DACH2: variants seen among roughly 807,000 people sequenced by gnomAD.
The protein encoded by DACH2 is dachshund family transcription factor 2, also known as dachshund homolog 2.
In DACH2, 17 loss-of-function variants were observed where a neutral mutation model predicts 35.8. The ratio of observed to expected loss-of-function variants is 0.48; its 90% CI spans 0.33 to 0.71. DACH2 has a LOEUF of 0.71. Among genes scored for constraint, DACH2 ranks in the 30% least tolerant of loss-of-function variants. DACH2 has a pLI of 0.02. For synonymous variants in DACH2, 195 were observed against 177.3 expected (o/e 1.10, Z -0.79); for missense variants, 469 against 472.7 (o/e 0.99, Z 0.07).
chrX:86,302,907 G>A (rs6623643), intron 1 of DACH2, among the ~76,000 whole-genome samples: 8 of 109,114 alleles, frequency 7.3e-5, no homozygotes, highest in African/African-American at 2.7e-4. Flanking sequence ...TATGTAATGA[G>A]TAAATTTTAC....
chrX:86,528,135 G>C lies in DACH2; in HGVS notation c.640+13744G>C, dbSNP rs1016735434. 6.3e-5 allele frequency among the ~76,000 whole-genome samples: 7 copies of C among 111,661 alleles called. No homozygotes were observed. The Admixed American group carries it at 6.7e-4, about 11-fold the overall frequency. On this transcript the variant is annotated intron_variant, in intron 3 of 11. Transcript: ENST00000373125. Reference sequence around the variant, plus strand: ...TTGATGTTGTGAAAAGGAACTAAAAGAGCAAGAGAGAGGAGCATAGAGAAA... The same window carrying C: ...TTGATGTTGTGAAAAGGAACTAAAACAGCAAGAGAGAGGAGCATAGAGAAA...
chrX:86,779,236 C>A (rs772080408), intron 7 of DACH2, among the ~76,000 whole-genome samples: 2 of 111,278 alleles, frequency 1.8e-5, no homozygotes, highest in South Asian at 3.8e-4. Context: ...AATAAGGTGA[C>A]CATAAAAGGT....
intron 1 of DACH2, among the ~76,000 whole-genome samples, chrX:86,368,056 C>A (rs889212942): frequency 3.6e-5 from 4 of 111,545 alleles, no homozygotes; most frequent in Admixed American, 1.9e-4. Context: ...AGTCTTTGTT[C>A]TTTAAAACCT....
At chrX:86,269,206 A>T (rs947989552) in intron 1 of DACH2, among the ~76,000 whole-genome samples, 18 of 111,101 alleles carry the variant, frequency 1.6e-4, no homozygotes, top group African/African-American at 5.6e-4. Flanking sequence ...TTGATTTTTA[A>T]ATCCCACAAC....
At chrX:86,803,778 T>C (rs1389906510) in intron 7 of DACH2, among the ~76,000 whole-genome samples, 4 of 110,577 alleles carry the variant, frequency 3.6e-5, no homozygotes, top group African/African-American at 1.3e-4. Context: ...AATAAATAAT[T>C]ATATTATATT....
At chrX:86,493,601 C>T (rs1468456091) in intron 2 of DACH2, among the ~76,000 whole-genome samples, 2 of 111,186 alleles carry the variant, frequency 1.8e-5, no homozygotes, top group Non-Finnish European at 3.8e-5. Context: ...TGTGTGCATG[C>T]ATATGTGAGT....
At chrX:86,742,698 C>A (rs1278933385) in intron 7 of DACH2, 2 of 296,161 alleles carry the variant, frequency 6.8e-6, no homozygotes, top group Non-Finnish European at 1.3e-5. Context: ...ATGGACTAAC[C>A]ATCAAAAAAT....
At chrX:86,616,129 T>C (rs1259893144) in intron 3 of DACH2, among the ~76,000 whole-genome samples, 2 of 111,989 alleles carry the variant, frequency 1.8e-5, no homozygotes, top group Non-Finnish European at 3.8e-5. Context: ...TGCATAATAT[T>C]CCATGGTGTA....
intron 1 of DACH2, among the ~76,000 whole-genome samples, chrX:86,361,130 A>G (rs1024199150): frequency 9.0e-6 from 1 of 111,692 alleles, no homozygotes; most frequent in African/African-American, 3.2e-5. Flanking sequence ...CTGCTTTTAT[A>G]GCATTTTTTT....
intron 1 of DACH2, among the ~76,000 whole-genome samples, chrX:86,176,713 A>G (rs1226378560): frequency 8.9e-6 from 1 of 111,994 alleles, no homozygotes; most frequent in Non-Finnish European, 1.9e-5. Flanking sequence ...TATGCTAATA[A>G]TCTCTGATTT....
intron 4 of DACH2, among the ~76,000 whole-genome samples, chrX:86,691,963 G>C (rs1327463903): frequency 9.0e-6 from 1 of 111,709 alleles, no homozygotes; most frequent in Non-Finnish European, 1.9e-5. Context: ...TCTTGACAAA[G>C]AGGCATAAAA....
intron 3 of DACH2, among the ~76,000 whole-genome samples, chrX:86,607,168 T>A (rs183857318): frequency 3.6e-4 from 40 of 111,836 alleles, no homozygotes; most frequent in African/African-American, 1.2e-3. Flanking sequence ...TTATACTGTT[T>A]AGTCCATTTT....
intron 1 of DACH2, among the ~76,000 whole-genome samples, chrX:86,251,460 C>T (rs6623602): frequency 0.4 from 43,521 of 109,050 alleles, 6,528 homozygotes; most frequent in East Asian, 0.74. Context: ...TACACTGAAC[C>T]CAGTTTGTAG....
intron 3 of DACH2, among the ~76,000 whole-genome samples, chrX:86,605,520 G>A (rs760986168): frequency 2.0e-4 from 22 of 110,156 alleles, no homozygotes; most frequent in Non-Finnish European, 3.6e-4. Flanking sequence ...TCTTTTATAC[G>A]TAATATAACT....
rs143779639 is a variant in DACH2, at chrX:86,528,465, A to T, written c.640+14074A>T. On this transcript the variant is annotated intron_variant, in intron 3 of 11. Transcript: ENST00000373125. ...GGGTACTCTGGCCACAAGAGATAAA[A>T]GACCCATGTTTAGTTTCAAAGGAAA... Among the ~76,000 whole-genome samples, 1,066 of 111,887 alleles carry T rather than the reference A, an allele frequency of 9.5e-3. 18 individuals are homozygous for T. The highest frequency in any genetic ancestry group is 0.033 in the African/African-American group (1,021 of 30,797).
chrX:86,254,807 T>TATATATATATATAGAGAGAGAGAGAG (rs1380613474), intron 1 of DACH2, among the ~76,000 whole-genome samples: 1 of 49,654 alleles, frequency 2.0e-5, no homozygotes, highest in African/African-American at 1.2e-4. Flanking sequence ...TATATATATA[T>TATATATATATATAGAGAGAGAGAGAG]AGAGAGAGAG....
chrX:86,201,964 C>T (rs756148085), intron 1 of DACH2, among the ~76,000 whole-genome samples: 5 of 111,310 alleles, frequency 4.5e-5, no homozygotes, highest in East Asian at 2.8e-4. Flanking sequence ...TTATAACCGC[C>T]TTACTTGCTT....
chrX:86,293,201 G>C (rs1216250530), intron 1 of DACH2, among the ~76,000 whole-genome samples: 3 of 105,855 alleles, frequency 2.8e-5, no homozygotes, highest in African/African-American at 1.0e-4. Context: ...TGTCTCTTTT[G>C]ATCTTTGTTG....
chrX:86,397,724 C>T (rs1018903914), intron 2 of DACH2, among the ~76,000 whole-genome samples: 7 of 111,842 alleles, frequency 6.3e-5, no homozygotes, highest in East Asian at 2.8e-4. Context: ...ACCAGCCTTG[C>T]ATCCCAGGGA....
Sources: gnomAD v4.1 joint callset for allele counts (sites outside exome capture counted in the v4.1 genomes callset) on GRCh38, gnomAD v4.1.1 for gene constraint, MANE v1.5 for transcripts, NCBI Gene and HGNC (gene_info 2026-07-23, HGNC 2026-07-21) for gene names.